Variants in PLPP4 observed in about 807,000 individuals in gnomAD.
The protein encoded by PLPP4 is diacylglycerol pyrophosphate like 2.
Under a neutral mutation model 32.2 loss-of-function variants are expected in PLPP4, and 20 were observed. That is an observed-to-expected ratio of 0.62 (90% CI 0.44 to 0.90). The LOEUF (loss-of-function observed/expected upper bound fraction) is 0.90. Among genes scored for constraint, PLPP4 ranks in the 40% least tolerant of loss-of-function variants. PLPP4 has a pLI of 0.00. For synonymous variants in PLPP4, 127 were observed against 133.0 expected (o/e 0.95, Z 0.31); for missense variants, 257 against 353.1 (o/e 0.73, Z 2.18).
rs116392628 is a variant in PLPP4, at chr10:120,547,669, G to A, written c.445+26574G>A. ...TTCCCTTTTTCCATCTGTATTTATC[G>A]CAGTTTCATGAGGCACCATACCTTT... On this transcript the variant is annotated intron_variant, in intron 5 of 6. Transcript: ENST00000398250. Among the ~76,000 whole-genome samples the A allele has an allele frequency of 3.2e-3, 492 of 152,026 alleles. 2 individuals are homozygous for A. Among genetic ancestry groups the A allele is most frequent in the African/African-American group, 0.011 (468 of 41,460 alleles).
At chr10:120,472,766 C>T (rs1402710331) in intron 1 of PLPP4, among the ~76,000 whole-genome samples, 1 of 151,918 alleles carries the variant, frequency 6.6e-6, no homozygotes, top group Non-Finnish European at 1.5e-5. Flanking sequence ...CTTGGATGCT[C>T]TATTCTATTT....
Position 120,552,165 on chromosome 10 carries a change from GGTGTGTGTGTGTGT to G in PLPP4, c.446-22936_446-22923del, listed in dbSNP as rs58426120. 3.2e-4 allele frequency among the ~76,000 whole-genome samples: 45 copies of G among 138,634 alleles called. No individual in the cohort carries two copies. The South Asian group carries it at 5.5e-3, about 17-fold the overall frequency. The allele number at this position is 138,634 out of a possible 152,430, so 90.9% of individuals were successfully genotyped here. ...GTGATTGTGTTGTTAGTGGTGGTGG[GGTGTGTGTGTGTGT>G]GTGTGTGTGTGTGTGTGTGTGTGTG... is the stretch of plus-strand genomic sequence containing the variant. On this transcript the variant is annotated intron_variant, in intron 5 of 6. Transcript: ENST00000398250.
intron 5 of PLPP4, among the ~76,000 whole-genome samples, chr10:120,558,832 A>G (rs1017789548): frequency 6.6e-6 from 1 of 152,216 alleles, no homozygotes; most frequent in Non-Finnish European, 1.5e-5. Context: ...TGGACCTATT[A>G]TAAAGTGTCA....
chr10:120,462,121 A>G (rs1348338891), intron 1 of PLPP4, among the ~76,000 whole-genome samples: 1 of 152,076 alleles, frequency 6.6e-6, no homozygotes, highest in Non-Finnish European at 1.5e-5. Flanking sequence ...TGCCAGGTGT[A>G]CAGGTCCTAG....
chr10:120,480,867 C>T (rs1392625408), intron 1 of PLPP4, among the ~76,000 whole-genome samples: 1 of 152,226 alleles, frequency 6.6e-6, no homozygotes, highest in Non-Finnish European at 1.5e-5. Context: ...CCAAGTTGGG[C>T]TCTACTTTAT....
At chr10:120,562,407 C>T (rs1319162396) in intron 5 of PLPP4, among the ~76,000 whole-genome samples, 1 of 151,936 alleles carries the variant, frequency 6.6e-6, no homozygotes, top group African/African-American at 2.4e-5. Flanking sequence ...TTTTTCGTTT[C>T]TAATTCCTAA....
At chr10:120,563,653 A>G (rs1848539518) in intron 5 of PLPP4, among the ~76,000 whole-genome samples, 1 of 145,304 alleles carries the variant, frequency 6.9e-6, no homozygotes, top group African/African-American at 2.6e-5. Context: ...ACAAAAAATT[A>G]GCCGGGCGCG....
chr10:120,502,165 C>T (rs1250692717), intron 1 of PLPP4, among the ~76,000 whole-genome samples: 3 of 151,942 alleles, frequency 2.0e-5, no homozygotes, highest in African/African-American at 4.9e-5. Flanking sequence ...GTGATGATGG[C>T]ACTGCAGGAG....
intron 5 of PLPP4, among the ~76,000 whole-genome samples, chr10:120,543,281 A>T (rs576881611): frequency 1.6e-4 from 24 of 152,154 alleles, no homozygotes; most frequent in Non-Finnish European, 2.9e-4. Flanking sequence ...CTAGCGGGGG[A>T]TGTTGCCTGT....
rs1230698094 is a variant in PLPP4, at chr10:120,503,458, C to A, written c.57-360C>A. 10 of 1,309,630 alleles carry A rather than the reference C, an allele frequency of 7.6e-6. No individual in the cohort carries two copies. In the East Asian group the frequency reaches 1.5e-4, roughly 20 times the overall value. 81.1% of individuals were successfully genotyped at this position (1,309,630 alleles called of 1,614,324 possible). A position where few individuals can be genotyped will look rare whatever the true frequency, so the allele number is the denominator to read the frequency against. On this transcript the variant is annotated intron_variant, in intron 1 of 6. Coordinates refer to ENST00000398250, the MANE Select transcript of PLPP4 (RefSeq NM_001030059.3). ...TCCCTCCCTTATGTTCCACCTCAAA[C>A]CCATTTTGTTTTCAAGAGACCATGC...
In PLPP4 at chr10:120,591,833, A is replaced by G. The variant is rs1399711006; in HGVS notation, c.*2331A>G. ...GAGTATTACTAATGCTGATAATTAC[A>G]TGGAAAATCCTAATACTGGCCATGT... On this transcript the variant is annotated 3_prime_UTR_variant, in exon 7 of 7. Coordinates refer to ENST00000398250, the MANE Select transcript of PLPP4 (RefSeq NM_001030059.3). Among the ~76,000 whole-genome samples the G allele has an allele frequency of 6.6e-6, 1 of 152,232 alleles. No homozygotes were observed. The highest frequency in any genetic ancestry group is 1.5e-5 in the Non-Finnish European group (1 of 68,046).
At position 120,487,128 on chromosome 10, in the gene PLPP4, C is replaced by T. The variant is rs550885434; in HGVS notation, c.57-16690C>T. Among the ~76,000 whole-genome samples the T allele has an allele frequency of 5.3e-5, 8 of 152,330 alleles. No individual in the cohort carries two copies. In the East Asian group the frequency reaches 1.2e-3, roughly 22 times the overall value. ...TGTTATCCACACTTGCTGTGCTGTGCGAAATCTCAAAAGCCAATTAAGACC... is the reference window on the plus strand; with the variant it reads ...TGTTATCCACACTTGCTGTGCTGTGTGAAATCTCAAAAGCCAATTAAGACC... On this transcript the variant is annotated intron_variant, in intron 1 of 6. Transcript: ENST00000398250.
chr10:120,478,247 G>C (rs2133810169), intron 1 of PLPP4, among the ~76,000 whole-genome samples: 1 of 152,286 alleles, frequency 6.6e-6, no homozygotes, highest in African/African-American at 2.4e-5. Context: ...CATGCCTAGG[G>C]CTGACTGTCC....
chr10:120,569,613 T>C (rs1848841405), intron 5 of PLPP4, among the ~76,000 whole-genome samples: 1 of 152,208 alleles, frequency 6.6e-6, no homozygotes, highest in Non-Finnish European at 1.5e-5. Context: ...CATCATGAGA[T>C]GAAAATCTCA....
At chr10:120,534,682 C>G (rs1445395552) in intron 5 of PLPP4, among the ~76,000 whole-genome samples, 2 of 152,058 alleles carry the variant, frequency 1.3e-5, no homozygotes, top group African/African-American at 4.8e-5. Flanking sequence ...ATCGGACTAT[C>G]TTAAATTTGC....
rs1404243223 is a variant in PLPP4 at position 120,591,625 on chromosome 10, A to C, written c.*2123A>C. On this transcript the variant is annotated 3_prime_UTR_variant, in exon 7 of 7. Coordinates refer to ENST00000398250, the MANE Select transcript of PLPP4 (RefSeq NM_001030059.3). ...GATCCTTTGCTACTGTTAAAAAAAAAAACCCCATCCTGATGTGGCCCACAT... is the reference window on the plus strand; with the variant it reads ...GATCCTTTGCTACTGTTAAAAAAAACAACCCCATCCTGATGTGGCCCACAT... Among the ~76,000 whole-genome samples, 1 of 152,070 alleles carries C rather than the reference A, an allele frequency of 6.6e-6. No homozygotes were observed. Among genetic ancestry groups the C allele is most frequent in the Non-Finnish European group, 1.5e-5 (1 of 68,020 alleles).
intron 5 of PLPP4, among the ~76,000 whole-genome samples, chr10:120,567,620 T>C (rs969564230): frequency 6.6e-6 from 1 of 152,206 alleles, no homozygotes; most frequent in Non-Finnish European, 1.5e-5. Flanking sequence ...TTGGACACTA[T>C]CTTGAGGGAG....
chr10:120,470,772 C>T (rs1465562900), intron 1 of PLPP4, among the ~76,000 whole-genome samples: 1 of 151,796 alleles, frequency 6.6e-6, no homozygotes, highest in Non-Finnish European at 1.5e-5. Context: ...AAATTTGCCC[C>T]CCCGTACTCA....
Position 120,577,354 on chromosome 10 carries a change from G to A in PLPP4, c.616+2053G>A, listed in dbSNP as rs186418931. Among the ~76,000 whole-genome samples the A allele has an allele frequency of 2.5e-3, 386 of 152,312 alleles. 1 individual carries two copies. Among genetic ancestry groups the A allele is most frequent in the African/African-American group, 8.8e-3 (365 of 41,562 alleles). On this transcript the variant is annotated intron_variant, in intron 6 of 6. Coordinates refer to ENST00000398250, the MANE Select transcript of PLPP4 (RefSeq NM_001030059.3). ...TAGTACTAACAACCTAGGATGTGAG[G>A]CTGGCCTGTCTTCAGCACTCTCTGG... is the stretch of plus-strand genomic sequence containing the variant.
Sources: allele counts gnomAD v4.1 joint callset (sites outside exome capture counted in the v4.1 genomes callset), GRCh38; gene constraint gnomAD v4.1.1; transcripts MANE v1.5; gene names NCBI Gene and HGNC (gene_info 2026-07-23, HGNC 2026-07-21).